Variants in PTPRO observed in about 807,000 individuals in gnomAD.
PTPRO encodes receptor-type tyrosine-protein phosphatase O.
PTPRO carries 62 observed loss-of-function variants against 145.2 expected under a neutral mutation model. The observed-to-expected ratio is 0.43, with a 90% CI of 0.35 to 0.53. The LOEUF is 0.53. Ranked by LOEUF, PTPRO falls within the 20% of genes least tolerant of loss-of-function variation. PTPRO has a pLI of 0.01. For synonymous variants in PTPRO, 565 were observed against 514.7 expected (o/e 1.10, Z -1.32); for missense variants, 1,345 against 1,482.7 (o/e 0.91, Z 1.53).
intron 1 of PTPRO, among the ~76,000 whole-genome samples, chr12:15,392,997 T>C (rs1939232802): frequency 6.6e-6 from 1 of 152,168 alleles, no homozygotes; most frequent in South Asian, 2.1e-4. Context: ...GCATGTATCT[T>C]TCTATGATTT....
At chr12:15,418,434 G>C (rs1027926265) in intron 1 of PTPRO, among the ~76,000 whole-genome samples, 1 of 151,782 alleles carries the variant, frequency 6.6e-6, no homozygotes, top group South Asian at 2.1e-4. Flanking sequence ...TGTTGTTGTA[G>C]TTGTTTCTTC....
intron 2 of PTPRO, among the ~76,000 whole-genome samples, chr12:15,490,915 A>G (rs1022225788): frequency 5.3e-5 from 8 of 152,200 alleles, no homozygotes; most frequent in Non-Finnish European, 1.0e-4. Flanking sequence ...GCAGAAATGA[A>G]TAAGAATATT....
At chr12:15,512,080 TAA>T (rs903416403) in intron 7 of PTPRO, among the ~76,000 whole-genome samples, 1 of 151,294 alleles carries the variant, frequency 6.6e-6, no homozygotes, top group African/African-American at 2.4e-5. Context: ...TACAATGTGT[TAA>T]GTTTAAATGG....
chr12:15,523,272 T>C (rs1443157719), intron 10 of PTPRO, among the ~76,000 whole-genome samples: 1 of 152,254 alleles, frequency 6.6e-6, no homozygotes, highest in Non-Finnish European at 1.5e-5. Context: ...TAGATTTTAG[T>C]TGACATTGTG....
At chr12:15,332,099 G>A (rs1866630124) in intron 1 of PTPRO, among the ~76,000 whole-genome samples, 1 of 151,498 alleles carries the variant, frequency 6.6e-6, no homozygotes, top group Admixed American at 6.6e-5. Context: ...CCAAGTGGCT[G>A]CGATTACAGG....
intron 23 of PTPRO, among the ~76,000 whole-genome samples, 159 bp downstream of exon 23, chr12:15,581,960 A>C (rs947232022): frequency 3.3e-5 from 5 of 152,220 alleles, no homozygotes; most frequent in Admixed American, 3.3e-4. Flanking sequence ...CACAGCTTTA[A>C]GAGCTGAGAG....
At position 15,580,636 on chromosome 12, in the gene PTPRO, G is replaced by A. The variant is rs1944289981; in HGVS notation, c.2998-61G>A. The A allele has an allele frequency of 1.9e-6, 3 of 1,609,200 alleles. No homozygotes were observed. In the South Asian group the frequency reaches 3.3e-5, roughly 18 times the overall value. On this transcript the variant is annotated intron_variant, in intron 21 of 26. Transcript: ENST00000281171. The stretch of plus-strand genomic sequence containing the variant: ...TTTTCAGTTTTTTTCCCATAGGCGT[G>A]AAGCAGCATTTGGTGTTGACAGTGT...
intron 12 of PTPRO, among the ~76,000 whole-genome samples, chr12:15,540,234 G>C (rs1321727587): frequency 6.6e-6 from 1 of 152,182 alleles, no homozygotes; most frequent in Non-Finnish European, 1.5e-5. Context: ...CTTTGGCCAA[G>C]TCGAATATAC....
chr12:15,327,000 TAGA>T (rs1254811448), intron 1 of PTPRO, among the ~76,000 whole-genome samples: 1 of 152,266 alleles, frequency 6.6e-6, no homozygotes, highest in Non-Finnish European at 1.5e-5. Context: ...AGGAATTTAA[TAGA>T]AGGTTAATAA....
In PTPRO at chr12:15,440,176, T is replaced by C. The variant is rs150615588; in HGVS notation, c.76-43798T>C. The C allele has an allele frequency of 4.5e-3, 3,097 of 688,030 alleles. 78 individuals carry two copies. The African/African-American group carries it at 0.049, about 11-fold the overall frequency. The allele number at this position is 688,030 out of a possible 1,614,324, so 42.6% of individuals were successfully genotyped here. On this transcript the variant is annotated intron_variant, in intron 1 of 26. Coordinates refer to ENST00000281171, the MANE Select transcript of PTPRO (RefSeq NM_030667.3). ...CCAAGAAGCTGCTCATGATGGCTGG[T>C]ATCAATGACTGCTACACCTTAGCCA...
rs253795 is a variant in PTPRO at position 15,455,419 on chromosome 12, T to C, written c.76-28555T>C. 1.8e-3 allele frequency among the ~76,000 whole-genome samples: 267 copies of C among 152,236 alleles called. 1 individual carries two copies. The highest frequency in any genetic ancestry group is 6.1e-3 in the African/African-American group (254 of 41,558). Reference sequence around the variant, plus strand: ...GACTTTGATAGGAAGTATGATAAATTTGCAGATTGCACAATAAGAAGTAAG... The same window carrying C: ...GACTTTGATAGGAAGTATGATAAATCTGCAGATTGCACAATAAGAAGTAAG... On this transcript the variant is annotated intron_variant, in intron 1 of 26. Coordinates refer to ENST00000281171, the MANE Select transcript of PTPRO (RefSeq NM_030667.3).
At chr12:15,371,863 A>G (rs1426921029) in intron 1 of PTPRO, among the ~76,000 whole-genome samples, 3 of 151,932 alleles carry the variant, frequency 2.0e-5, no homozygotes, top group Admixed American at 6.6e-5. Flanking sequence ...TTCACTCGGC[A>G]CTTCTCCTCC....
At chr12:15,513,331 T>C (rs985484864) in intron 7 of PTPRO, among the ~76,000 whole-genome samples, 43 of 152,142 alleles carry the variant, frequency 2.8e-4, no homozygotes, top group African/African-American at 9.9e-4. Context: ...TGAAGAGATA[T>C]AGTTGACTAA....
In PTPRO at chr12:15,589,661, G is replaced by C; in HGVS notation, c.3546+71G>C. The C allele has an allele frequency of 3.9e-6, 6 of 1,550,570 alleles. No individual in the cohort carries two copies. In the South Asian group the frequency reaches 6.7e-5, roughly 17 times the overall value. ...AAAACTTACCATTATTCAATGATAT[G>C]CTTCAAAACAATTCTCTCAAACTTC... On this transcript the variant is annotated intron_variant, in intron 25 of 26. Transcript: ENST00000281171.
chr12:15,398,033 G>C (rs1417871060), intron 1 of PTPRO, among the ~76,000 whole-genome samples: 1 of 152,180 alleles, frequency 6.6e-6, no homozygotes, highest in Non-Finnish European at 1.5e-5. Context: ...ACAGGGGCAT[G>C]AGGCGAGGCA....
chr12:15,585,121 T>G (rs1255402496), intron 23 of PTPRO, among the ~76,000 whole-genome samples: 1 of 152,212 alleles, frequency 6.6e-6, no homozygotes. Context: ...TGATTTTAAA[T>G]CACCTTGCAC....
chr12:15,492,682 A>C (rs1055384087), intron 2 of PTPRO, among the ~76,000 whole-genome samples: 52 of 152,320 alleles, frequency 3.4e-4, no homozygotes, highest in African/African-American at 1.1e-3. Context: ...GATTGATTAA[A>C]TTTAAAGTTT....
chr12:15,381,327 C>T (rs1363335587), intron 1 of PTPRO, among the ~76,000 whole-genome samples: 1 of 152,086 alleles, frequency 6.6e-6, no homozygotes, highest in Non-Finnish European at 1.5e-5. Flanking sequence ...GATATTGGGG[C>T]TTAATAATGG....
At position 15,515,987 on chromosome 12, in the gene PTPRO, G is replaced by GTTT. The variant is rs1387922121; in HGVS notation, c.1585+371_1585+373dup. 3.7e-3 allele frequency among the ~76,000 whole-genome samples: 302 copies of GTTT among 80,660 alleles called. 36 individuals carry two copies. The highest frequency in any genetic ancestry group is 5.0e-3 in the East Asian group (13 of 2,614). 52.9% of individuals were successfully genotyped at this position (80,660 alleles called of 152,430 possible). A position where few individuals can be genotyped will look rare whatever the true frequency, so the allele number is the denominator to read the frequency against. On this transcript the variant is annotated intron_variant, in intron 8 of 26. Transcript: ENST00000281171. Reference sequence around the variant, plus strand: ...GTTTTGTTTGTCTGGTTTTTTTTTTGTTTTGTTTTTTTTTTTTTTTGGAGA... The same window carrying GTTT: ...GTTTTGTTTGTCTGGTTTTTTTTTTGTTTTTTTGTTTTTTTTTTTTTTTGGAGA...
Sources: allele counts gnomAD v4.1 joint callset (sites outside exome capture counted in the v4.1 genomes callset), GRCh38; gene constraint gnomAD v4.1.1; transcripts MANE v1.5; gene names NCBI Gene and HGNC (gene_info 2026-07-23, HGNC 2026-07-21).